The following NXPH1 variants were observed in gnomAD, a reference collection of about 807,000 sequenced individuals.
NXPH1 encodes the protein neurexophilin 1, also known as neurexophilin-1.
In NXPH1, 5 loss-of-function variants were observed where a neutral mutation model predicts 23.7. The ratio of observed to expected loss-of-function variants is 0.21; its 90% CI spans 0.11 to 0.44. NXPH1 has a LOEUF of 0.44. Ranked by LOEUF, NXPH1 falls within the 20% of genes least tolerant of loss-of-function variation. The probability of loss-of-function intolerance (pLI) is 0.99; values close to 1 mark genes in which losing one functional copy is unlikely to be tolerated. For missense variants in NXPH1, 324 were observed against 321.6 expected (o/e 1.01, Z -0.06); for synonymous variants, 144 against 122.2 (o/e 1.18, Z -1.18).
intron 2 of NXPH1, among the ~76,000 whole-genome samples, chr7:8,644,668 CT>C (rs201418063): frequency 6.6e-6 from 1 of 151,840 alleles, no homozygotes; most frequent in Admixed American, 6.6e-5. Context: ...CAGACTAGGA[CT>C]TTTTTTGTGA....
In NXPH1 at chr7:8,611,912, A is replaced by T. The variant is rs76626403; in HGVS notation, c.55-139096A>T. Among the ~76,000 whole-genome samples the T allele has an allele frequency of 9.3e-3, 1,411 of 152,206 alleles. 23 individuals are homozygous for T. The highest frequency in any genetic ancestry group is 0.032 in the African/African-American group (1,344 of 41,556). On this transcript the variant is annotated intron_variant, in intron 2 of 2. Coordinates refer to ENST00000405863, the MANE Select transcript of NXPH1 (RefSeq NM_152745.3). Reference sequence around the variant, plus strand: ...TTAGCAGTGAAACTTTAGGCAATTAATTTGTAATGTCAGAAAGTTCCCAGC... The same window carrying T: ...TTAGCAGTGAAACTTTAGGCAATTATTTTGTAATGTCAGAAAGTTCCCAGC...
At chr7:8,641,488 C>G (rs1326382455) in intron 2 of NXPH1, among the ~76,000 whole-genome samples, 1 of 151,918 alleles carries the variant, frequency 6.6e-6, no homozygotes, top group African/African-American at 2.4e-5. Context: ...AAACATTTAT[C>G]AGCCTAACAC....
At chr7:8,738,549 G>T (rs1466082374) in intron 2 of NXPH1, among the ~76,000 whole-genome samples, 1 of 152,148 alleles carries the variant, frequency 6.6e-6, no homozygotes, top group Non-Finnish European at 1.5e-5. Flanking sequence ...CCTATATGAG[G>T]TGTCTGTCGA....
rs760686100 is a variant in NXPH1, at chr7:8,435,744, C to T, written c.31C>T (p.Leu11Phe). 1 of 1,613,912 alleles carries T rather than the reference C, an allele frequency of 6.2e-7. No individual in the cohort carries two copies. Among genetic ancestry groups the T allele is most frequent in the African/African-American group, 1.3e-5 (1 of 75,012 alleles). MQAACWYVLFLLQPTVYLVTC... is the reference protein window; with the variant it reads MQAACWYVLFFLQPTVYLVTC... Reference sequence around the variant, plus strand: ...GGCTGCGTGCTGGTACGTGCTTTTCCTCCTGCAGCCCACCGTCTACTTGGT... The same window carrying T: ...GGCTGCGTGCTGGTACGTGCTTTTCTTCCTGCAGCCCACCGTCTACTTGGT... Residue 11 changes from leucine to phenylalanine, a missense_variant, in exon 2 of 3, where the codon CTC becomes TTC. By Grantham distance (22) the Leu-to-Phe change is conservative. Transcript: ENST00000405863. The surrounding 1 kb of genome is among the most constrained non-coding windows in gnomAD (Gnocchi z 5.9).
intron 2 of NXPH1, among the ~76,000 whole-genome samples, chr7:8,530,120 G>A (rs1274148603): frequency 6.6e-6 from 1 of 152,160 alleles, no homozygotes; most frequent in African/African-American, 2.4e-5. Flanking sequence ...ACCACGGGAT[G>A]TAGAGAAAAA....
intron 2 of NXPH1, among the ~76,000 whole-genome samples, chr7:8,611,770 G>A (rs1819627607): frequency 6.6e-6 from 1 of 152,072 alleles, no homozygotes; most frequent in Admixed American, 6.6e-5. Context: ...GGAGACTTTG[G>A]TTAGGTAGTA....
At chr7:8,570,201 T>C (rs1427245765) in intron 2 of NXPH1, among the ~76,000 whole-genome samples, 2 of 151,998 alleles carry the variant, frequency 1.3e-5, no homozygotes, top group African/African-American at 4.8e-5. Context: ...ATTGATGTTT[T>C]GTTGATATAA....
chr7:8,439,066 T>A (rs2128603836), intron 2 of NXPH1, among the ~76,000 whole-genome samples: 1 of 152,274 alleles, frequency 6.6e-6, no homozygotes, highest in African/African-American at 2.4e-5. Context: ...GTATTGCAGA[T>A]TTAAAAGCCT....
At chr7:8,508,116 T>C (rs143543567) in intron 2 of NXPH1, among the ~76,000 whole-genome samples, 3 of 152,252 alleles carry the variant, frequency 2.0e-5, no homozygotes, top group East Asian at 1.9e-4. Flanking sequence ...ATGACTGATA[T>C]TCCTTTCAGT....
At chr7:8,607,328 T>C (rs1294703012) in intron 2 of NXPH1, among the ~76,000 whole-genome samples, 2 of 152,292 alleles carry the variant, frequency 1.3e-5, no homozygotes, top group Admixed American at 1.3e-4. Flanking sequence ...GACCAATGAG[T>C]TGCTAGAAGA....
At chr7:8,507,675 T>G (rs909017522) in intron 2 of NXPH1, among the ~76,000 whole-genome samples, 1 of 152,090 alleles carries the variant, frequency 6.6e-6, no homozygotes, top group African/African-American at 2.4e-5. Flanking sequence ...TTCCTCAGAG[T>G]GCCTCTAGGG....
intron 2 of NXPH1, among the ~76,000 whole-genome samples, chr7:8,622,800 A>G (rs1337365363): frequency 1.3e-5 from 2 of 152,234 alleles, no homozygotes; most frequent in Non-Finnish European, 1.5e-5. Context: ...AAACCTATAC[A>G]GTACAAGTGC....
chr7:8,723,984 G>A (rs1394621641), intron 2 of NXPH1, among the ~76,000 whole-genome samples: 1 of 152,206 alleles, frequency 6.6e-6, no homozygotes, highest in African/African-American at 2.4e-5. Flanking sequence ...TAAGCAAGTA[G>A]ATAAGTTAAT....
At chr7:8,559,213 C>A (rs560275327) in intron 2 of NXPH1, among the ~76,000 whole-genome samples, 1 of 151,802 alleles carries the variant, frequency 6.6e-6, no homozygotes, top group Non-Finnish European at 1.5e-5. Context: ...CTACCTCAGC[C>A]TTCCAAAGTG....
chr7:8,591,834 G>A (rs1477191965), intron 2 of NXPH1, among the ~76,000 whole-genome samples: 1 of 144,494 alleles, frequency 6.9e-6, no homozygotes, highest in Non-Finnish European at 1.5e-5. Context: ...GAGGGTGAAA[G>A]GGCTGAGGTT....
At chr7:8,586,007 C>T (rs1244879193) in intron 2 of NXPH1, among the ~76,000 whole-genome samples, 2 of 152,196 alleles carry the variant, frequency 1.3e-5, no homozygotes, top group African/African-American at 2.4e-5. Flanking sequence ...GTGGAACAGA[C>T]ATCGACCCTT....
intron 2 of NXPH1, among the ~76,000 whole-genome samples, chr7:8,749,986 C>G (rs887526637): frequency 6.6e-6 from 1 of 152,122 alleles, no homozygotes; most frequent in African/African-American, 2.4e-5. Context: ...ATTTTGCGGT[C>G]CTAGGAGAAC....
At chr7:8,512,519 G>A (rs960103753) in intron 2 of NXPH1, among the ~76,000 whole-genome samples, 1 of 152,050 alleles carries the variant, frequency 6.6e-6, no homozygotes, top group Non-Finnish European at 1.5e-5. Context: ...ATTTGAGAGG[G>A]TGATTATGAT....
chr7:8,617,941 T>C (rs1196808540), intron 2 of NXPH1, among the ~76,000 whole-genome samples: 1 of 152,074 alleles, frequency 6.6e-6, no homozygotes, highest in East Asian at 1.9e-4. Flanking sequence ...CCCACGACAA[T>C]TAAAGTTTTT....
Sources: allele counts gnomAD v4.1 joint callset (sites outside exome capture counted in the v4.1 genomes callset), GRCh38; gene constraint gnomAD v4.1.1; non-coding constraint Gnocchi (gnomAD v3.1); transcripts MANE v1.5; gene names NCBI Gene and HGNC (gene_info 2026-07-23, HGNC 2026-07-21).